DDHD1: variants seen among roughly 807,000 people sequenced by gnomAD.
DDHD1 encodes the protein DDHD domain containing 1.
Under a neutral mutation model 96.4 loss-of-function variants are expected in DDHD1, and 49 were observed. The observed-to-expected ratio is 0.51, with a 90% CI of 0.40 to 0.64. The LOEUF (loss-of-function observed/expected upper bound fraction) is 0.64. DDHD1 is among the 30% of genes least tolerant of loss of function. The pLI is 0.00. For synonymous variants in DDHD1, 442 were observed against 446.5 expected, an observed-to-expected ratio of 0.99 and a Z score of 0.13; for missense variants, 1,106 against 1,161.2, an observed-to-expected ratio of 0.95 and a Z score of 0.69.
intron 1 of DDHD1, among the ~76,000 whole-genome samples, chr14:53,114,094 G>A (rs926770771): frequency 3.3e-5 from 5 of 152,188 alleles, no homozygotes; most frequent in African/African-American, 1.2e-4. Flanking sequence ...CAGTGCTAAG[G>A]TGCCTGGCAG....
intron 1 of DDHD1, among the ~76,000 whole-genome samples, chr14:53,145,899 G>C (rs1397506198): frequency 2.6e-5 from 4 of 152,202 alleles, no homozygotes; most frequent in Non-Finnish European, 5.9e-5. Context: ...GCTTAATGTA[G>C]TAAGACATTA....
At chr14:53,060,787 T>C (rs776812103) in intron 8 of DDHD1, among the ~76,000 whole-genome samples, 2 of 152,208 alleles carry the variant, frequency 1.3e-5, no homozygotes, top group Non-Finnish European at 2.9e-5. Flanking sequence ...TTTCTTTCAC[T>C]TGGCAATATC....
Position 53,061,133 on chromosome 14 carries a change from T to G in DDHD1, c.1835A>C (p.Lys612Thr), listed in dbSNP as rs1317591704. 1 of 1,607,862 alleles carries G rather than the reference T, an allele frequency of 6.2e-7. No homozygotes were observed. The highest frequency in any genetic ancestry group is 1.3e-5 in the African/African-American group (1 of 74,594). The change falls in exon 8 of 13, where the codon AAA (lysine) becomes ACA (threonine). Residue 612 changes from lysine to threonine, a missense_variant. This residue lies in a region of DDHD1 where 650 missense variants were observed against 758.8 expected (regional missense o/e 0.86). Transcript: ENST00000673822. The stretch of plus-strand genomic sequence containing the variant: ...ACATTGCTCTTTCCTTACCTTAAAT[T>G]TTAAGGCAGGTGTTTGTGTCATAGA... ...ASSMTQTPAL[K>T]FKVENFFCMG...
intron 8 of DDHD1, among the ~76,000 whole-genome samples, chr14:53,059,467 G>A (rs921635168): frequency 6.6e-6 from 1 of 151,530 alleles, no homozygotes; most frequent in East Asian, 2.0e-4. Flanking sequence ...GGATAGTCTC[G>A]ATCTCCTGAC....
chr14:53,087,286 G>T (rs1441822393), intron 4 of DDHD1, among the ~76,000 whole-genome samples: 3 of 152,010 alleles, frequency 2.0e-5, no homozygotes, highest in Admixed American at 2.0e-4. Flanking sequence ...TCCGGGACTT[G>T]AACTCAGCTC....
chr14:53,128,966 T>G (rs1889664514), intron 1 of DDHD1, among the ~76,000 whole-genome samples: 1 of 152,160 alleles, frequency 6.6e-6, no homozygotes. Flanking sequence ...ACAAGGTACT[T>G]TATAATATTC....
chr14:53,139,126 C>G (rs1595256821), intron 1 of DDHD1, among the ~76,000 whole-genome samples: 1 of 149,830 alleles, frequency 6.7e-6, no homozygotes. Context: ...CACAACCACA[C>G]AGGCAAACTA....
intron 1 of DDHD1, 141 bp downstream of exon 1, chr14:53,152,120 G>GT: frequency 2.2e-5 from 19 of 847,174 alleles, no homozygotes; most frequent in Admixed American, 1.7e-4. Context: ...GACGCTCCCT[G>GT]CTCAATCTCC....
intron 1 of DDHD1, among the ~76,000 whole-genome samples, chr14:53,121,552 C>T (rs1888990494): frequency 1.3e-5 from 2 of 152,124 alleles, no homozygotes; most frequent in Admixed American, 6.5e-5. Context: ...CAATGATAGA[C>T]TGGATAAAGA....
intron 1 of DDHD1, among the ~76,000 whole-genome samples, chr14:53,136,994 A>C (rs1890287627): frequency 2.0e-5 from 3 of 152,228 alleles, no homozygotes; most frequent in Admixed American, 6.5e-5. Context: ...GAAAACTGGC[A>C]GAAAAAGATG....
rs957419885 is a variant in DDHD1, at chr14:53,072,653, G to C, written c.1447C>G (p.Leu483Val). The C allele has an allele frequency of 6.2e-7, 1 of 1,610,318 alleles. No homozygotes were observed. ...ATTATGTCCATTGCACTGCTGTTCA[G>C]CATATCCCTTAAACCTCGTACTTTG... ...PDKVRGLRDM[L>V]NSSAMDIMYY... is the part of the protein sequence containing the mutation. Residue 483 changes from leucine (L) to valine (V), a missense_variant, in exon 6 of 13, where the codon CTG becomes GTG. Physicochemically the swap from Leu to Val is conservative, Grantham distance 32. Around this residue, in one of 2 missense-constraint regions of DDHD1, gnomAD observed 650 missense variants for 758.8 expected, o/e 0.86. Transcript: ENST00000673822.
intron 1 of DDHD1, 67 bp downstream of exon 1, chr14:53,152,194 C>T (rs1034660953): frequency 1.4e-6 from 2 of 1,471,128 alleles, no homozygotes; most frequent in African/African-American, 2.8e-5. Context: ...AGTCCCAAAC[C>T]CACACCGGTG....
rs1044370065 is a variant in DDHD1 at position 53,044,425 on chromosome 14, G to A, written c.*2343C>T. On this transcript the variant is annotated 3_prime_UTR_variant, in exon 13 of 13. Transcript: ENST00000673822. ...TCTGACATAATTTCACTCTTCTCAGGTAAAAAGGGCTCTTCATATTCTAGT... is the reference window on the plus strand; with the variant it reads ...TCTGACATAATTTCACTCTTCTCAGATAAAAAGGGCTCTTCATATTCTAGT... 6 of 152,102 alleles carry A rather than the reference G, an allele frequency of 3.9e-5. No homozygotes were observed. The highest frequency in any genetic ancestry group is 1.3e-4 in the Admixed American group (2 of 15,278). The allele number at this position is 152,102 out of a possible 1,614,324, so 9.4% of individuals were successfully genotyped here.
chr14:53,087,775 T>C (rs10152072), intron 4 of DDHD1, among the ~76,000 whole-genome samples: 4,693 of 151,864 alleles, frequency 0.031, 243 homozygotes, highest in African/African-American at 0.1. Flanking sequence ...AGGAAACAAA[T>C]TCAAAATATA....
chr14:53,147,563 A>G (rs1009910618), intron 1 of DDHD1, among the ~76,000 whole-genome samples: 6 of 152,198 alleles, frequency 3.9e-5, no homozygotes, highest in Admixed American at 3.3e-4. Context: ...AAGTCCTGCC[A>G]TCCATACATG....
At chr14:53,109,140 C>T (rs1408438754) in intron 1 of DDHD1, among the ~76,000 whole-genome samples, 1 of 152,008 alleles carries the variant, frequency 6.6e-6, no homozygotes, top group African/African-American at 2.4e-5. Flanking sequence ...TCTTTCATTT[C>T]TCTAGAAGCC....
intron 1 of DDHD1, among the ~76,000 whole-genome samples, chr14:53,137,065 G>A (rs1034329799): frequency 1.1e-4 from 16 of 152,136 alleles, no homozygotes; most frequent in African/African-American, 3.1e-4. Context: ...CAAACATGAT[G>A]AGGAAGAAAA....
intron 1 of DDHD1, among the ~76,000 whole-genome samples, chr14:53,126,186 A>G (rs1889419238): frequency 6.6e-6 from 1 of 152,212 alleles, no homozygotes; most frequent in Non-Finnish European, 1.5e-5. Flanking sequence ...ACCCAAGGTA[A>G]AAATATTTTC....
chr14:53,129,560 G>C (rs980487621), intron 1 of DDHD1, among the ~76,000 whole-genome samples: 1 of 152,088 alleles, frequency 6.6e-6, no homozygotes, highest in Non-Finnish European at 1.5e-5. Flanking sequence ...TCTGATCACC[G>C]TGGGGATGCC....
Sources: gnomAD v4.1 joint callset for allele counts (sites outside exome capture counted in the v4.1 genomes callset) on GRCh38, gnomAD v4.1.1 for gene constraint, gnomAD v4.1.1 regional missense constraint, MANE v1.5 for transcripts, NCBI Gene and HGNC (gene_info 2026-07-23, HGNC 2026-07-21) for gene names.